Variants in HDAC1 observed in about 807,000 individuals in gnomAD.
The protein encoded by HDAC1 is histone deacetylase 1.
A neutral mutation model predicts 65.5 loss-of-function variants in HDAC1; 18 were observed. That is an observed-to-expected ratio of 0.27 (90% CI 0.19 to 0.41). HDAC1 has a LOEUF of 0.41. Among genes scored for constraint, HDAC1 ranks in the 10% least tolerant of loss-of-function variants. HDAC1 has a pLI of 1.00. For missense variants in HDAC1, 373 were observed against 625.2 expected (o/e 0.60, Z 4.30); for synonymous variants, 211 against 227.9 (o/e 0.93, Z 0.67).
chr1:32,331,226 A>C lies in HDAC1; in HGVS notation c.980-248A>C, dbSNP rs1418041481. ...AGCGCTCATAATGAGCATGGCCTCA[A>C]GTGTCCTAAACCAGGGACATGGGCC... On this transcript the variant is annotated intron_variant, in intron 9 of 13. Coordinates refer to ENST00000373548, the MANE Select transcript of HDAC1 (RefSeq NM_004964.3). This position sits in a 1 kb window ranked among gnomAD's most constrained non-coding sequence, Gnocchi z 4.2. 6.6e-6 allele frequency among the ~76,000 whole-genome samples: 1 copy of C among 152,190 alleles called. No individual in the cohort carries two copies. The highest frequency in any genetic ancestry group is 2.1e-4 in the South Asian group (1 of 4,838).
At position 32,292,231 on chromosome 1, in the gene HDAC1, C is replaced by G; in HGVS notation, c.49+13C>G. On this transcript the variant is annotated intron_variant, in intron 1 of 13. Coordinates refer to ENST00000373548, the MANE Select transcript of HDAC1 (RefSeq NM_004964.3). Reference sequence around the variant, plus strand: ...TACTACTACGACGGTGAGCACCGTCCTCGCGGCGGGGGCGGGGCCAGGCCG... The same window carrying G: ...TACTACTACGACGGTGAGCACCGTCGTCGCGGCGGGGGCGGGGCCAGGCCG... The G allele has an allele frequency of 1.3e-5, 20 of 1,548,172 alleles. No individual in the cohort carries two copies. Among genetic ancestry groups the G allele is most frequent in the Non-Finnish European group, 1.7e-5 (20 of 1,146,118 alleles).
At chr1:32,297,513 G>A (rs1640784439) in intron 1 of HDAC1, among the ~76,000 whole-genome samples, 1 of 152,066 alleles carries the variant, frequency 6.6e-6, no homozygotes, top group Admixed American at 6.6e-5. Context: ...GACCCATAAT[G>A]GCACCACTGC....
rs151168763 is a variant in HDAC1, at chr1:32,331,540, A to G, written c.1046A>G (p.Asn349Ser). 3.1e-6 allele frequency: 5 copies of G among 1,612,572 alleles called. No homozygotes were observed. The highest frequency in any genetic ancestry group is 1.1e-5 in the South Asian group (1 of 91,042). Residue 349 changes from asparagine (N) to serine (S), a missense_variant, in exon 10 of 14, where the codon AAT becomes AGT. Transcript: ENST00000373548. This position sits in a 1 kb window ranked among gnomAD's most constrained non-coding sequence, Gnocchi z 4.2. Reference protein sequence around the residue: ...PDFKLHISPSNMTNQNTNEYL... With the variant: ...PDFKLHISPSSMTNQNTNEYL... ...TTCAAGCTCCACATCAGTCCTTCCA[A>G]TATGACTAACCAGAACACGAATGAG...
At position 32,329,458 on chromosome 1, in the gene HDAC1, G is replaced by A. The variant is rs115332966; in HGVS notation, c.729+298G>A. The A allele has an allele frequency of 2.5e-3, 1,218 of 493,272 alleles. 11 individuals are homozygous for A. The highest frequency in any genetic ancestry group is 0.021 in the African/African-American group (1,084 of 52,160). 30.6% of individuals were successfully genotyped at this position (493,272 alleles called of 1,614,324 possible). On this transcript the variant is annotated intron_variant, in intron 7 of 13. Coordinates refer to ENST00000373548, the MANE Select transcript of HDAC1 (RefSeq NM_004964.3). This position sits in a 1 kb window ranked among gnomAD's most constrained non-coding sequence, Gnocchi z 4.1. ...TACCCAGTAGTCTATGATTAGTACT[G>A]TTTTTGTATCTCCATTTCTTTGGGC...
chr1:32,316,476 T>C (rs970048287), intron 2 of HDAC1, among the ~76,000 whole-genome samples, 189 bp from the exon 3 acceptor site: 2 of 152,202 alleles, frequency 1.3e-5, no homozygotes, highest in Non-Finnish European at 2.9e-5. Flanking sequence ...TGATACTCTG[T>C]CTCCTTTGAT....
intron 6 of HDAC1, among the ~76,000 whole-genome samples, chr1:32,328,109 T>TTTA (rs1247217129): frequency 6.6e-6 from 1 of 152,168 alleles, no homozygotes; most frequent in East Asian, 1.9e-4. Context: ...TATAGAATAG[T>TTTA]TAATAGACAA....
At chr1:32,311,335 G>C (rs993691546) in intron 2 of HDAC1, among the ~76,000 whole-genome samples, 2 of 152,102 alleles carry the variant, frequency 1.3e-5, no homozygotes, top group Non-Finnish European at 2.9e-5. Context: ...GGGCGTGGTC[G>C]CGGGTGCCTG....
chr1:32,325,417 C>T (rs1364933567), intron 4 of HDAC1, among the ~76,000 whole-genome samples: 1 of 152,200 alleles, frequency 6.6e-6, no homozygotes, highest in Non-Finnish European at 1.5e-5. Context: ...GAAAAAAACA[C>T]AATCACCCAC....
chr1:32,331,768 G>T lies in HDAC1; in HGVS notation c.1181G>T (p.Gly394Val). The change falls in exon 11 of 14, where the codon GGC becomes GTC. Residue 394 changes from glycine to valine, a missense_variant. Physicochemically the swap from Gly to Val is moderately radical, Grantham distance 109. Around this residue, in one of 4 missense-constraint regions of HDAC1, gnomAD observed 126 missense variants for 126.2 expected, o/e 1.00. Coordinates refer to ENST00000373548, the MANE Select transcript of HDAC1 (RefSeq NM_004964.3). The surrounding 1 kb of genome is among the most constrained non-coding windows in gnomAD (Gnocchi z 4.2). ...GAGGACGCCATCCCTGAGGAGAGTG[G>T]CGATGAGGACGAAGACGACCCTGAC... ...IPEDAIPEES[G>V]DEDEDDPDKR... 6.2e-7 allele frequency: 1 copy of T among 1,614,034 alleles called. No individual in the cohort carries two copies. Among genetic ancestry groups the T allele is most frequent in the Non-Finnish European group, 8.5e-7 (1 of 1,179,956 alleles).
chr1:32,318,320 C>T (rs1641092233), intron 3 of HDAC1, among the ~76,000 whole-genome samples: 1 of 152,134 alleles, frequency 6.6e-6, no homozygotes, highest in South Asian at 2.1e-4. Flanking sequence ...ACTTTGGGAG[C>T]CCAAGGTGGG....
intron 1 of HDAC1, among the ~76,000 whole-genome samples, chr1:32,295,761 TTTTA>T (rs908588488): frequency 7.9e-5 from 12 of 151,692 alleles, no homozygotes; most frequent in Non-Finnish European, 1.8e-4. Context: ...TGGATAGTTA[TTTTA>T]TTTGTTTGTT....
intron 2 of HDAC1, among the ~76,000 whole-genome samples, chr1:32,304,924 C>T (rs1294819909): frequency 6.6e-6 from 1 of 152,054 alleles, no homozygotes; most frequent in Admixed American, 6.6e-5. Context: ...TTTGTCCAGG[C>T]TGGTGTCAAA....
At position 32,331,013 on chromosome 1, in the gene HDAC1, C is replaced by G. The variant is rs897467188; in HGVS notation, c.979+105C>G. On this transcript the variant is annotated intron_variant, in intron 9 of 13. Coordinates refer to ENST00000373548, the MANE Select transcript of HDAC1 (RefSeq NM_004964.3). The surrounding 1 kb of genome is among the most constrained non-coding windows in gnomAD (Gnocchi z 4.2). Reference sequence around the variant, plus strand: ...CGTTGGTCATATGACCGCTCCTCTTCTGATACTAGTCACTGAGTCTCCTGC... The same window carrying G: ...CGTTGGTCATATGACCGCTCCTCTTGTGATACTAGTCACTGAGTCTCCTGC... The G allele has an allele frequency of 2.1e-6, 2 of 975,020 alleles. No individual in the cohort carries two copies. The highest frequency in any genetic ancestry group is 3.2e-6 in the Non-Finnish European group (2 of 629,994). 60.4% of individuals were successfully genotyped at this position (975,020 alleles called of 1,614,324 possible).
chr1:32,312,508 C>A (rs1374719190), intron 2 of HDAC1, among the ~76,000 whole-genome samples: 1 of 151,240 alleles, frequency 6.6e-6, no homozygotes, highest in Admixed American at 6.6e-5. Context: ...TACAGGCGCC[C>A]GCCACCACAC....
At position 32,302,701 on chromosome 1, in the gene HDAC1, A is replaced by T; in HGVS notation, c.130A>T (p.Asn44Tyr). The T allele has an allele frequency of 1.3e-6, 2 of 1,598,826 alleles. No homozygotes were observed. Among genetic ancestry groups the T allele is most frequent in the Non-Finnish European group, 1.7e-6 (2 of 1,166,064 alleles). The change falls in exon 2 of 14, where the codon AAC (asparagine) becomes TAC (tyrosine). Residue 44 changes from asparagine (N) to tyrosine (Y), a missense_variant. Coordinates refer to ENST00000373548, the MANE Select transcript of HDAC1 (RefSeq NM_004964.3). ...RIRMTHNLLL[N>Y]YGLYRKMEIY... ...CCGCATGACTCATAATTTGCTGCTC[A>T]ACTATGGTCTCTACCGAAAAATGGA...
chr1:32,332,293 C>G (rs1317928919), intron 12 of HDAC1, 51 bp downstream of exon 12: 1 of 1,534,198 alleles, frequency 6.5e-7, no homozygotes, highest in Non-Finnish European at 8.9e-7. Flanking sequence ...GAGGATGAAT[C>G]TATGTAGGGC....
chr1:32,297,100 G>T (rs1481311777), intron 1 of HDAC1, among the ~76,000 whole-genome samples: 4 of 152,142 alleles, frequency 2.6e-5, no homozygotes, highest in Non-Finnish European at 5.9e-5. Flanking sequence ...AATAGCTTTT[G>T]CAAAAGTGGG....
At chr1:32,298,366 C>T (rs892842945) in intron 1 of HDAC1, among the ~76,000 whole-genome samples, 1 of 151,952 alleles carries the variant, frequency 6.6e-6, no homozygotes, top group African/African-American at 2.4e-5. Flanking sequence ...GGATTACAGG[C>T]GTCAGGCACC....
chr1:32,306,523 CAT>C (rs1408085802), intron 2 of HDAC1, among the ~76,000 whole-genome samples: 1 of 152,170 alleles, frequency 6.6e-6, no homozygotes, highest in Non-Finnish European at 1.5e-5. Context: ...GTGGCACAGT[CAT>C]AGCTCATTGC....
Sources: allele counts gnomAD v4.1 joint callset (sites outside exome capture counted in the v4.1 genomes callset), GRCh38; gene constraint gnomAD v4.1.1; regional missense constraint gnomAD v4.1.1; non-coding constraint Gnocchi (gnomAD v3.1); transcripts MANE v1.5; gene names NCBI Gene and HGNC (gene_info 2026-07-23, HGNC 2026-07-21).